Variants in TRIM55 observed in about 807,000 individuals in gnomAD.
TRIM55 encodes tripartite motif containing 55.
Under a neutral mutation model 60.9 loss-of-function variants are expected in TRIM55, and 50 were observed. The ratio of observed to expected loss-of-function variants is 0.82; its 90% CI spans 0.65 to 1.04. TRIM55 has a LOEUF of 1.04. Among genes scored for constraint, TRIM55 ranks in the 50% least tolerant of loss-of-function variants. TRIM55 has a pLI of 0.00. For missense variants in TRIM55, 681 were observed against 666.9 expected, an observed-to-expected ratio of 1.02 and a Z score of -0.23; for synonymous variants, 237 against 238.1, an observed-to-expected ratio of 1.00 and a Z score of 0.04.
At chr8:66,125,802 A>G (rs1301533522), upstream of TRIM55, among the ~76,000 whole-genome samples, 1 of 152,218 alleles carries the variant, frequency 6.6e-6, no homozygotes, top group East Asian at 1.9e-4. Flanking sequence ...ACACAGCACT[A>G]AGACCACACA....
chr8:66,143,053 A>G (rs2128977532), intron 4 of TRIM55, among the ~76,000 whole-genome samples: 1 of 152,284 alleles, frequency 6.6e-6, no homozygotes, highest in East Asian at 1.9e-4. Flanking sequence ...GGAATTTTGA[A>G]GTTCCTTATT....
the TRIM55 span, chr8:66,113,685 C>T: frequency 7.1e-6 from 3 of 424,594 alleles, no homozygotes; most frequent in Non-Finnish European, 1.4e-5. Context: ...GAGCGACTGC[C>T]GGGTCACGAC....
chr8:66,125,038 A>G (rs1808766576), upstream of TRIM55, among the ~76,000 whole-genome samples: 1 of 152,240 alleles, frequency 6.6e-6, no homozygotes, highest in South Asian at 2.1e-4. Context: ...TATTTGGTGA[A>G]AGGCTGATCA....
intron 7 of TRIM55, 163 bp from the exon 8 acceptor site, chr8:66,152,214 A>C: frequency 4.4e-6 from 4 of 899,518 alleles, no homozygotes; most frequent in Non-Finnish European, 6.5e-6. Context: ...ATTCCACTAG[A>C]AGCACAAAGC....
upstream of TRIM55, among the ~76,000 whole-genome samples, chr8:66,121,905 C>T (rs181583977): frequency 1.3e-3 from 192 of 152,196 alleles, 2 homozygotes; most frequent in Non-Finnish European, 2.5e-4. Flanking sequence ...CTCCAAATCC[C>T]GGAGCCTGAA....
chr8:66,113,858 G>A, the TRIM55 span, among the ~76,000 whole-genome samples: 1 of 152,214 alleles, frequency 6.6e-6, no homozygotes, highest in African/African-American at 2.4e-5. Flanking sequence ...TGGGGGGTCC[G>A]CGGGAAGAGG....
intron 7 of TRIM55, among the ~76,000 whole-genome samples, chr8:66,151,893 T>TAAAA (rs1206655594): frequency 2.9e-5 from 4 of 137,316 alleles, no homozygotes; most frequent in African/African-American, 1.0e-4. Context: ...AATAAATAAA[T>TAAAA]AAAAGAGTCG....
intron 9 of TRIM55, chr8:66,155,573 A>G (rs1810690949): frequency 1.5e-6 from 2 of 1,366,054 alleles, no homozygotes; most frequent in African/African-American, 2.9e-5. Context: ...AATGTTGAAA[A>G]TAATTATTTG....
chr8:66,128,740 A>C (rs1586166142), intron 2 of TRIM55, among the ~76,000 whole-genome samples: 1 of 152,322 alleles, frequency 6.6e-6, no homozygotes, highest in Non-Finnish European at 1.5e-5. Flanking sequence ...ATGCTGAAAG[A>C]GACATACTGC....
At chr8:66,174,412 G>T in intron 9 of TRIM55, 59 bp from the exon 10 acceptor site, 1 of 1,568,472 alleles carries the variant, frequency 6.4e-7, no homozygotes, top group Non-Finnish European at 8.7e-7. Context: ...AAAGTGACTG[G>T]ACCAATCCAA....
At chr8:66,147,226 A>G (rs1054612140) in intron 4 of TRIM55, among the ~76,000 whole-genome samples, 1 of 152,232 alleles carries the variant, frequency 6.6e-6, no homozygotes, top group African/African-American at 2.4e-5. Context: ...GACACAAATG[A>G]CATGCATTGT....
intron 7 of TRIM55, 175 bp from the exon 8 acceptor site, chr8:66,152,202 A>G: frequency 1.3e-6 from 1 of 798,556 alleles, no homozygotes; most frequent in Non-Finnish European, 1.9e-6. Flanking sequence ...TGTCCAGTCC[A>G]CATTCCACTA....
intron 9 of TRIM55, among the ~76,000 whole-genome samples, chr8:66,168,230 C>G (rs1811431048): frequency 6.6e-6 from 1 of 152,204 alleles, no homozygotes; most frequent in African/African-American, 2.4e-5. Flanking sequence ...GATGGCAGAG[C>G]TGCCTAACAG....
intron 7 of TRIM55, among the ~76,000 whole-genome samples, chr8:66,151,186 A>G (rs1222895908): frequency 6.6e-6 from 1 of 152,212 alleles, no homozygotes; most frequent in Non-Finnish European, 1.5e-5. Flanking sequence ...TTAGAGGACA[A>G]GAATAGTAAC....
At chr8:66,165,128 C>A (rs1320423543) in intron 9 of TRIM55, among the ~76,000 whole-genome samples, 1 of 152,182 alleles carries the variant, frequency 6.6e-6, no homozygotes, top group Non-Finnish European at 1.5e-5. Context: ...TTTCACATCA[C>A]TCAAGGTTCA....
chr8:66,143,197 A>G (rs1164646282), intron 4 of TRIM55, among the ~76,000 whole-genome samples: 2 of 152,162 alleles, frequency 1.3e-5, no homozygotes, highest in Non-Finnish European at 2.9e-5. Context: ...CTTCAGCTCT[A>G]TTTTGGTCAC....
chr8:66,133,578 A>C (rs897805504), intron 2 of TRIM55, among the ~76,000 whole-genome samples: 1 of 152,240 alleles, frequency 6.6e-6, no homozygotes, highest in Non-Finnish European at 1.5e-5. Context: ...ATATTGCTGC[A>C]AGACCAGACA....
upstream of TRIM55, among the ~76,000 whole-genome samples, chr8:66,124,697 C>T (rs900800069): frequency 6.6e-6 from 1 of 152,232 alleles, no homozygotes; most frequent in African/African-American, 2.4e-5. Flanking sequence ...GGCAAACCTG[C>T]CTCCCACGTT....
intron 1 of TRIM55, 142 bp downstream of exon 1, chr8:66,127,578 G>GTGCTGGGACTA: frequency 3.2e-6 from 3 of 946,200 alleles, no homozygotes; most frequent in Non-Finnish European, 4.7e-6. Flanking sequence ...TGTAGTCCCA[G>GTGCTGGGACTA]CACTTTGGGA....
Sources: allele counts gnomAD v4.1 joint callset (sites outside exome capture counted in the v4.1 genomes callset), GRCh38; gene constraint gnomAD v4.1.1; transcripts MANE v1.5; gene names NCBI Gene and HGNC (gene_info 2026-07-23, HGNC 2026-07-21).